Variants in SNX14 observed in about 807,000 individuals in gnomAD.
SNX14 encodes sorting nexin-14.
SNX14 carries 93 observed loss-of-function variants against 133.8 expected under a neutral mutation model. That is an observed-to-expected ratio of 0.70 (90% CI 0.59 to 0.83). The LOEUF (loss-of-function observed/expected upper bound fraction) is 0.83, where lower values mean the gene tolerates loss of function less well. Ranked by LOEUF, SNX14 falls within the 40% of genes least tolerant of loss-of-function variation. SNX14 has a pLI of 0.00. For synonymous variants in SNX14, 368 were observed against 365.6 expected, an observed-to-expected ratio of 1.01 and a Z score of -0.07; for missense variants, 945 against 1,094.9, an observed-to-expected ratio of 0.86 and a Z score of 1.93.
intron 14 of SNX14, among the ~76,000 whole-genome samples, chr6:85,542,664 G>A (rs974820517): frequency 7.9e-5 from 12 of 152,208 alleles, no homozygotes; most frequent in Non-Finnish European, 1.5e-4. Context: ...AAAGTGCTGG[G>A]ATTATAGGCC....
At chr6:85,591,576 A>T (rs1042626383) in intron 1 of SNX14, among the ~76,000 whole-genome samples, 2 of 152,156 alleles carry the variant, frequency 1.3e-5, no homozygotes, top group Non-Finnish European at 2.9e-5. Flanking sequence ...TTTTAATAAC[A>T]CACAACACTA....
At chr6:85,514,324 T>C in intron 24 of SNX14, 90 bp from the exon 25 acceptor site, 1 of 1,509,518 alleles carries the variant, frequency 6.6e-7, no homozygotes, top group East Asian at 2.3e-5. Flanking sequence ...ATGACCATGG[T>C]CAATATTTTA....
At chr6:85,524,984 T>G (rs1778109424) in intron 21 of SNX14, among the ~76,000 whole-genome samples, 1 of 152,166 alleles carries the variant, frequency 6.6e-6, no homozygotes. Context: ...ATGTACTATA[T>G]TAGTGGTTAG....
intron 7 of SNX14, among the ~76,000 whole-genome samples, chr6:85,556,556 C>T (rs547302536): frequency 1.3e-5 from 2 of 151,530 alleles, no homozygotes; most frequent in South Asian, 2.1e-4. Context: ...CCACAACCTC[C>T]GCCTCCTGGG....
chr6:85,513,650 T>C lies in SNX14; in HGVS notation c.2653+150A>G. ...TTAGTGCTAACATCTGAAAGAATTA[T>C]TTAACTAGTGTGTTAATTTTAACTG... is the stretch of plus-strand genomic sequence containing the variant. On this transcript the variant is annotated intron_variant, in intron 26 of 28. Coordinates refer to ENST00000314673, the MANE Select transcript of SNX14 (RefSeq NM_153816.6). 7 of 598,590 alleles carry C rather than the reference T, an allele frequency of 1.2e-5. No homozygotes were observed. The South Asian group carries it at 1.5e-4, about 13-fold the overall frequency. The allele number at this position is 598,590 out of a possible 1,614,324, so 37.1% of individuals were successfully genotyped here.
chr6:85,556,977 A>G (rs967990239), intron 7 of SNX14, among the ~76,000 whole-genome samples: 1 of 152,242 alleles, frequency 6.6e-6, no homozygotes, highest in Non-Finnish European at 1.5e-5. Context: ...GTGGGGGGAA[A>G]AAATGGTTCC....
intron 12 of SNX14, among the ~76,000 whole-genome samples, chr6:85,546,038 T>C (rs1445531034): frequency 6.6e-6 from 1 of 152,094 alleles, no homozygotes; most frequent in Admixed American, 6.6e-5. Flanking sequence ...TTATCCTGAG[T>C]GAAGGAAGCT....
chr6:85,508,417 T>A (rs1179802615), intron 26 of SNX14: 3 of 980,806 alleles, frequency 3.1e-6, no homozygotes, highest in Non-Finnish European at 2.4e-6. Flanking sequence ...TAAAATGATG[T>A]TTGTACATCT....
intron 1 of SNX14, chr6:85,588,949 G>C: frequency 2.2e-6 from 1 of 454,792 alleles, no homozygotes; most frequent in Non-Finnish European, 4.4e-6. Context: ...TGGTCTTGCT[G>C]TCTGAGGAAT....
chr6:85,522,253 G>A (rs1481614895), intron 21 of SNX14, among the ~76,000 whole-genome samples: 1 of 152,164 alleles, frequency 6.6e-6, no homozygotes, highest in Non-Finnish European at 1.5e-5. Flanking sequence ...AGATCAGTTT[G>A]GGGATCTCTG....
chr6:85,592,789 AC>A (rs1195746728), intron 1 of SNX14, among the ~76,000 whole-genome samples: 1 of 150,746 alleles, frequency 6.6e-6, no homozygotes, highest in Non-Finnish European at 1.5e-5. Context: ...GGAGATCGAG[AC>A]CATCCTGGCT....
chr6:85,519,049 T>C (rs950471790), intron 21 of SNX14, among the ~76,000 whole-genome samples: 1 of 152,200 alleles, frequency 6.6e-6, no homozygotes, highest in Non-Finnish European at 1.5e-5. Flanking sequence ...AGTAACAGCA[T>C]TCATCCAGTT....
At chr6:85,511,085 T>C (rs903357215) in intron 26 of SNX14, among the ~76,000 whole-genome samples, 4 of 152,114 alleles carry the variant, frequency 2.6e-5, no homozygotes, top group African/African-American at 9.7e-5. Flanking sequence ...AGTTCTTTGA[T>C]TTCTTTAATT....
Position 85,517,857 on chromosome 6 carries a change from G to A in SNX14, c.2167C>T (p.Pro723Ser), listed in dbSNP as rs774413694. ...GAATTAATGAAATTCATGATAAAAG[G>A]TTCCAAATGCTGACCTTTCTGTGGT... ...LMKEKGQHLE[P>S]FIMNFINSCE... is the part of the protein sequence containing the mutation. The change falls in exon 23 of 29, where the codon CCT (proline) becomes TCT (serine). Residue 723 changes from proline (P) to serine (S), a missense_variant. Coordinates refer to ENST00000314673, the MANE Select transcript of SNX14 (RefSeq NM_153816.6). 1 of 1,607,896 alleles carries A rather than the reference G, an allele frequency of 6.2e-7. No individual in the cohort carries two copies. Among genetic ancestry groups the A allele is most frequent in the Non-Finnish European group, 8.5e-7 (1 of 1,178,374 alleles).
intron 20 of SNX14, among the ~76,000 whole-genome samples, chr6:85,526,787 G>A (rs1280061501): frequency 6.6e-6 from 1 of 152,180 alleles, no homozygotes; most frequent in African/African-American, 2.4e-5. Context: ...AAGATAACAT[G>A]GGCTGGGTGC....
intron 1 of SNX14, among the ~76,000 whole-genome samples, chr6:85,580,287 A>G (rs1397632784): frequency 1.3e-5 from 2 of 152,050 alleles, no homozygotes; most frequent in African/African-American, 2.4e-5. Context: ...TCCTGGCAGG[A>G]TTCATCGTCT....
intron 1 of SNX14, among the ~76,000 whole-genome samples, chr6:85,578,419 C>G (rs919571567): frequency 6.6e-6 from 1 of 152,124 alleles, no homozygotes; most frequent in Non-Finnish European, 1.5e-5. Context: ...AATTCTGACA[C>G]AGTTGCCACA....
chr6:85,569,244 G>A (rs1794861457), intron 4 of SNX14, among the ~76,000 whole-genome samples: 1 of 152,210 alleles, frequency 6.6e-6, no homozygotes, highest in South Asian at 2.1e-4. Context: ...TTACAGGCGT[G>A]AGCCAACACG....
At chr6:85,571,665 C>T (rs1795652150) in intron 4 of SNX14, among the ~76,000 whole-genome samples, 1 of 152,168 alleles carries the variant, frequency 6.6e-6, no homozygotes, top group South Asian at 2.1e-4. Context: ...AAAAGATACA[C>T]ATGAAATCTG....
Sources: gnomAD v4.1 joint callset for allele counts (sites outside exome capture counted in the v4.1 genomes callset) on GRCh38, gnomAD v4.1.1 for gene constraint, MANE v1.5 for transcripts, NCBI Gene and HGNC (gene_info 2026-07-23, HGNC 2026-07-21) for gene names.